The following CYRIB variants were observed in gnomAD, a reference collection of about 807,000 sequenced individuals.
CYRIB encodes the protein CYFIP related Rac1 interactor B.
A neutral mutation model predicts 44.2 loss-of-function variants in CYRIB; 8 were observed. The ratio of observed to expected loss-of-function variants is 0.18; its 90% CI spans 0.11 to 0.33. The LOEUF (loss-of-function observed/expected upper bound fraction) is 0.33, where lower values mean the gene tolerates loss of function less well. Among genes scored for constraint, CYRIB ranks in the 10% least tolerant of loss-of-function variants. CYRIB has a pLI of 1.00. For synonymous variants in CYRIB, 131 were observed against 127.2 expected, an observed-to-expected ratio of 1.03 and a Z score of -0.20; for missense variants, 185 against 382.8, an observed-to-expected ratio of 0.48 and a Z score of 4.31.
At chr8:129,904,200 A>T (rs993673784) in intron 1 of CYRIB, among the ~76,000 whole-genome samples, 1 of 152,152 alleles carries the variant, frequency 6.6e-6, no homozygotes, top group Non-Finnish European at 1.5e-5. Flanking sequence ...AAAAAGCCTC[A>T]TGTTTTCACT....
chr8:129,847,454 A>T (rs1471563251), intron 10 of CYRIB: 1 of 152,162 alleles, frequency 6.6e-6, no homozygotes, highest in Non-Finnish European at 1.5e-5. Context: ...ACAGAGCGAG[A>T]CTCCGTCACA....
chr8:129,970,465 G>A (rs1292106562), intron 2 of CYRIB: 3 of 151,136 alleles, frequency 2.0e-5, no homozygotes, highest in Non-Finnish European at 2.9e-5. Context: ...TGTCACTCAG[G>A]CTGGAGTGCA....
At chr8:129,940,925 A>G (rs1165410498), upstream of CYRIB, among the ~76,000 whole-genome samples, 2 of 152,194 alleles carry the variant, frequency 1.3e-5, no homozygotes, top group East Asian at 3.9e-4. Flanking sequence ...AATCCTGATT[A>G]TGAACGAAGC....
At chr8:129,950,594 T>C (rs900741642) in intron 2 of CYRIB, among the ~76,000 whole-genome samples, 4 of 151,766 alleles carry the variant, frequency 2.6e-5, no homozygotes, top group Non-Finnish European at 5.9e-5. Context: ...ATGAAGAAAC[T>C]AATGGTACTC....
chr8:130,006,666 A>ATATATACACATATATATGTGTG, intron 1 of CYRIB, among the ~76,000 whole-genome samples: 1 of 92,742 alleles, frequency 1.1e-5, no homozygotes, highest in Middle Eastern at 6.8e-3. Flanking sequence ...ATATATGTAT[A>ATATATACACATATATATGTGTG]TATATATGTA....
chr8:130,006,877 G>A (rs1193803670), intron 1 of CYRIB, among the ~76,000 whole-genome samples: 1 of 150,992 alleles, frequency 6.6e-6, no homozygotes, highest in East Asian at 2.0e-4. Context: ...AGTCTACATG[G>A]ACCAGCATCC....
intron 1 of CYRIB, among the ~76,000 whole-genome samples, chr8:129,974,653 T>C (rs1296464254): frequency 6.6e-6 from 1 of 151,874 alleles, no homozygotes; most frequent in East Asian, 1.9e-4. Context: ...AAAAATGTTT[T>C]GCTATTTTAA....
intron 1 of CYRIB, among the ~76,000 whole-genome samples, chr8:129,920,237 C>G (rs769824678): frequency 8.6e-5 from 13 of 151,992 alleles, no homozygotes; most frequent in Non-Finnish European, 1.5e-4. Context: ...CTATCTTCTC[C>G]TCTTTTAAAA....
intron 2 of CYRIB, among the ~76,000 whole-genome samples, chr8:129,892,482 T>C (rs2065869813): frequency 6.6e-6 from 1 of 152,230 alleles, no homozygotes; most frequent in Admixed American, 6.5e-5. Flanking sequence ...CAGAATTTTT[T>C]TTTTTTGTGG....
At chr8:129,980,926 G>A (rs548733977) in intron 1 of CYRIB, among the ~76,000 whole-genome samples, 1 of 151,944 alleles carries the variant, frequency 6.6e-6, no homozygotes, top group African/African-American at 2.4e-5. Flanking sequence ...GGAGGCTGCA[G>A]TGAGCAGAGG....
chr8:130,015,833 GC>G (rs1486897527), intron 1 of CYRIB, among the ~76,000 whole-genome samples: 1 of 152,214 alleles, frequency 6.6e-6, no homozygotes, highest in African/African-American at 2.4e-5. Context: ...CAGGCGGGTG[GC>G]TACCCCAGGA....
At chr8:129,938,673 A>G (rs554653398) in intron 1 of CYRIB, among the ~76,000 whole-genome samples, 1 of 152,358 alleles carries the variant, frequency 6.6e-6, no homozygotes, top group East Asian at 1.9e-4. Context: ...ACATTTCTAC[A>G]GCAATGTATT....
intron 1 of CYRIB, among the ~76,000 whole-genome samples, chr8:130,014,718 G>A (rs1293321252): frequency 1.3e-5 from 2 of 152,186 alleles, no homozygotes; most frequent in Non-Finnish European, 2.9e-5. Flanking sequence ...TCCCTGTGCT[G>A]GAACCCACTT....
chr8:129,842,778 G>C (rs185883373), intron 11 of CYRIB, among the ~76,000 whole-genome samples: 57 of 152,320 alleles, frequency 3.7e-4, no homozygotes, highest in African/African-American at 1.3e-3. Context: ...GCAGAGGTGA[G>C]GAGCTGTAAC....
rs763712982 is a variant in CYRIB, at chr8:129,846,842, T to C, written c.873A>G (p.Gln291=). 10 of 1,596,930 alleles carry C rather than the reference T, an allele frequency of 6.3e-6. No individual in the cohort carries two copies. In the South Asian group the frequency reaches 1.1e-4, roughly 18 times the overall value. ...GAAGACCTTCCACACTATTAGGAGG[T>C]TGGTCCTTAAGAACTTTGATACAAC... The change falls in exon 11 of 12, where the codon CAA becomes CAG. Residue 291 remains glutamine (Q), a synonymous_variant. Transcript: ENST00000519824.
At chr8:129,916,279 C>T (rs1450671410) in intron 1 of CYRIB, among the ~76,000 whole-genome samples, 1 of 152,146 alleles carries the variant, frequency 6.6e-6, no homozygotes, top group African/African-American at 2.4e-5. Context: ...CTAACTACTG[C>T]AATAATCTCC....
intron 1 of CYRIB, chr8:130,004,622 T>C (rs2096991694): frequency 6.6e-6 from 1 of 152,134 alleles, no homozygotes; most frequent in Non-Finnish European, 1.5e-5. Flanking sequence ...TTTTTGTATA[T>C]TGTGCATTGT....
intron 1 of CYRIB, among the ~76,000 whole-genome samples, chr8:129,930,365 T>TTATATATATATATATATATA (rs1554659983): frequency 0.025 from 1,216 of 49,372 alleles, 144 homozygotes; most frequent in African/African-American, 0.061. Context: ...TGTGAAGTGC[T>TTATATATATATATATATATA]TATATATATA....
chr8:129,847,091 C>A (rs1397666052), intron 10 of CYRIB: 2 of 436,082 alleles, frequency 4.6e-6, no homozygotes. Context: ...ATCAGTCAAA[C>A]TAATATACCA....
Sources: gnomAD v4.1 joint callset for allele counts (sites outside exome capture counted in the v4.1 genomes callset) on GRCh38, gnomAD v4.1.1 for gene constraint, MANE v1.5 for transcripts, NCBI Gene and HGNC (gene_info 2026-07-23, HGNC 2026-07-21) for gene names.